KIAA1671: variants seen among roughly 807,000 people sequenced by gnomAD.
The protein encoded by KIAA1671 is uncharacterized protein KIAA1671.
In KIAA1671, 52 loss-of-function variants were observed where a neutral mutation model predicts 131.2. The ratio of observed to expected loss-of-function variants is 0.40; its 90% confidence interval spans 0.32 to 0.50. The LOEUF (loss-of-function observed/expected upper bound fraction) is 0.50, where lower values mean the gene tolerates loss of function less well. Ranked by LOEUF, KIAA1671 falls within the 20% of genes least tolerant of loss-of-function variation. KIAA1671 has a pLI of 0.73. For missense variants in KIAA1671, 2,360 were observed against 2,364.2 expected (o/e 1.00, Z 0.04); for synonymous variants, 1,003 against 961.6 (o/e 1.04, Z -0.80).
chr22:25,191,440 G>C (rs1425409752), intron 12 of KIAA1671, among the ~76,000 whole-genome samples: 1 of 152,222 alleles, frequency 6.6e-6, no homozygotes, highest in African/African-American at 2.4e-5. Flanking sequence ...ATAGGCGTGA[G>C]CCACTGTGCC....
At chr22:25,029,932 A>G (rs1456412283) in intron 3 of KIAA1671, among the ~76,000 whole-genome samples, 1 of 152,230 alleles carries the variant, frequency 6.6e-6, no homozygotes, top group African/African-American at 2.4e-5. Context: ...GAAGTCAGAG[A>G]GAGAACGCTT....
At chr22:24,983,380 A>G (rs780260975) in intron 1 of KIAA1671, among the ~76,000 whole-genome samples, 3 of 152,106 alleles carry the variant, frequency 2.0e-5, no homozygotes, top group Middle Eastern at 3.4e-3. Flanking sequence ...TTCTAGCTGT[A>G]TGTCTGTGTG....
At chr22:24,995,465 T>C (rs1484583388) in intron 1 of KIAA1671, among the ~76,000 whole-genome samples, 1 of 151,864 alleles carries the variant, frequency 6.6e-6, no homozygotes, top group African/African-American at 2.4e-5. Flanking sequence ...CAAGCGATCC[T>C]CCTACCTCAG....
chr22:25,095,406 C>T (rs564883092), intron 6 of KIAA1671, among the ~76,000 whole-genome samples: 1 of 152,314 alleles, frequency 6.6e-6, no homozygotes, highest in East Asian at 1.9e-4. Flanking sequence ...AATCCCAGCA[C>T]TTTGGGAGGC....
intron 6 of KIAA1671, among the ~76,000 whole-genome samples, chr22:25,084,457 C>CAAA (rs36090380): frequency 0.27 from 34,428 of 128,190 alleles, 5,048 homozygotes; most frequent in African/African-American, 0.35. Flanking sequence ...GACTCTATCT[C>CAAA]AAAAAAAAAA....
At chr22:25,105,101 G>A (rs1431258203) in intron 6 of KIAA1671, among the ~76,000 whole-genome samples, 4 of 151,438 alleles carry the variant, frequency 2.6e-5, no homozygotes, top group Admixed American at 2.6e-4. Flanking sequence ...TCAGCTCATT[G>A]CAACATACCT....
In KIAA1671 at chr22:25,027,975, C is replaced by T. The variant is rs1410733427; in HGVS notation, c.-25C>T. 8 of 1,439,954 alleles carry T rather than the reference C, an allele frequency of 5.6e-6. No homozygotes were observed. The highest frequency in any genetic ancestry group is 7.4e-6 in the Non-Finnish European group (8 of 1,086,746). The allele number at this position is 1,439,954 out of a possible 1,614,324, so 89.2% of individuals were successfully genotyped here. A position where few individuals can be genotyped will look rare whatever the true frequency, so the allele number is the denominator to read the frequency against. ...GCTTCTCCATTCTTGAAGTTCCTAA[C>T]CCCCATGAATCCACAACCATAACCA... On this transcript the variant is annotated 5_prime_UTR_variant, in exon 3 of 13. Coordinates refer to ENST00000358431, the MANE Select transcript of KIAA1671 (RefSeq NM_001145206.2).
chr22:25,005,010 G>A (rs1471122951), intron 1 of KIAA1671, among the ~76,000 whole-genome samples: 1 of 151,702 alleles, frequency 6.6e-6, no homozygotes, highest in East Asian at 1.9e-4. Flanking sequence ...CTGTCAATCA[G>A]TGAATCCTGA....
intron 6 of KIAA1671, among the ~76,000 whole-genome samples, chr22:25,083,822 AC>A (rs1159466640): frequency 6.6e-6 from 1 of 152,048 alleles, no homozygotes; most frequent in African/African-American, 2.4e-5. Flanking sequence ...CCTTTGCCAG[AC>A]CCCCTGCTGC....
At chr22:25,179,894 T>G (rs1934206192) in intron 9 of KIAA1671, among the ~76,000 whole-genome samples, 1 of 152,228 alleles carries the variant, frequency 6.6e-6, no homozygotes, top group Non-Finnish European at 1.5e-5. Context: ...AGGCTATACA[T>G]TTTCCTCTAA....
chr22:25,019,597 A>C (rs866830148), intron 1 of KIAA1671, among the ~76,000 whole-genome samples: 13 of 150,848 alleles, frequency 8.6e-5, no homozygotes, highest in African/African-American at 1.5e-4. Context: ...GGTCTCCAAC[A>C]TGTTTTTTTT....
At chr22:24,986,646 T>TCCACCCAC (rs1569198976) in intron 1 of KIAA1671, among the ~76,000 whole-genome samples, 2 of 12,072 alleles carry the variant, frequency 1.7e-4, no homozygotes, top group African/African-American at 3.3e-4. Flanking sequence ...CACCCACCCA[T>TCCACCCAC]CCACCCACCC....
chr22:25,048,668 C>G (rs1927370566), intron 5 of KIAA1671, among the ~76,000 whole-genome samples: 2 of 152,142 alleles, frequency 1.3e-5, no homozygotes, highest in African/African-American at 4.8e-5. Context: ...CAGCAGGATT[C>G]CAAGTAGATG....
At chr22:24,977,664 G>A (rs1049844012) in intron 1 of KIAA1671, among the ~76,000 whole-genome samples, 1 of 152,226 alleles carries the variant, frequency 6.6e-6, no homozygotes, top group African/African-American at 2.4e-5. Flanking sequence ...TCCCAGGGTT[G>A]GGGGTTGAGG....
chr22:25,001,995 A>G (rs1924503416), intron 1 of KIAA1671, among the ~76,000 whole-genome samples: 1 of 152,226 alleles, frequency 6.6e-6, no homozygotes, highest in South Asian at 2.1e-4. Flanking sequence ...ACATATATAT[A>G]CATACACATA....
At chr22:25,148,990 A>G (rs979560804) in intron 6 of KIAA1671, among the ~76,000 whole-genome samples, 2 of 152,318 alleles carry the variant, frequency 1.3e-5, no homozygotes, top group Non-Finnish European at 2.9e-5. Flanking sequence ...TCCTTGTATC[A>G]TCCTGCCTCT....
chr22:25,015,056 T>A (rs755735743), intron 1 of KIAA1671: 1 of 152,086 alleles, frequency 6.6e-6, no homozygotes, highest in Non-Finnish European at 1.5e-5. Context: ...CTGGGCAACA[T>A]GGCGAAAGCC....
chr22:24,974,948 C>A (rs1168021270), intron 1 of KIAA1671, among the ~76,000 whole-genome samples: 1 of 152,088 alleles, frequency 6.6e-6, no homozygotes, highest in Admixed American at 6.6e-5. Flanking sequence ...TCCGCCTCGG[C>A]CTCCCAAAGT....
At chr22:24,979,353 T>A (rs1177037253) in intron 1 of KIAA1671, among the ~76,000 whole-genome samples, 3 of 135,908 alleles carry the variant, frequency 2.2e-5, no homozygotes, top group African/African-American at 2.8e-5. Context: ...TTTATTTATT[T>A]ATTTATTTTT....
Sources: gnomAD v4.1 joint callset for allele counts (sites outside exome capture counted in the v4.1 genomes callset) on GRCh38, gnomAD v4.1.1 for gene constraint, MANE v1.5 for transcripts, NCBI Gene and HGNC (gene_info 2026-07-23, HGNC 2026-07-21) for gene names.